The following ASS1 variants were observed in gnomAD, a reference collection of about 807,000 sequenced individuals.
The protein encoded by ASS1 is argininosuccinate synthase.
A neutral mutation model predicts 60.5 loss-of-function variants in ASS1; 58 were observed. The observed-to-expected ratio is 0.96, with a 90% confidence interval of 0.78 to 1.19. The LOEUF (loss-of-function observed/expected upper bound fraction) is 1.19. Among genes scored for constraint, ASS1 ranks in the 50% most tolerant of loss-of-function variants. The pLI, the probability that ASS1 is intolerant of heterozygous loss-of-function variation, is 0.00. For synonymous variants in ASS1, 200 were observed against 206.9 expected, an observed-to-expected ratio of 0.97 and a Z score of 0.29; for missense variants, 454 against 547.3, an observed-to-expected ratio of 0.83 and a Z score of 1.70.
chr9:130,492,161 T>C (rs367743373), intron 12 of ASS1, among the ~76,000 whole-genome samples: 1 of 152,308 alleles, frequency 6.6e-6, no homozygotes, highest in Non-Finnish European at 1.5e-5. Flanking sequence ...CCCGGCGTGG[T>C]TTCCCAGTGT....
At chr9:130,460,223 G>A (rs1845555838) in intron 4 of ASS1, among the ~76,000 whole-genome samples, 1 of 152,168 alleles carries the variant, frequency 6.6e-6, no homozygotes, top group South Asian at 2.1e-4. Context: ...AGATGATGAT[G>A]GAGGAGACGC....
intron 1 of ASS1, chr9:130,451,794 C>T (rs1418087520): frequency 6.6e-6 from 3 of 457,696 alleles, no homozygotes; most frequent in Non-Finnish European, 1.3e-5. Context: ...CTGCCTGGTG[C>T]TTGGCAAGGA....
intron 5 of ASS1, among the ~76,000 whole-genome samples, chr9:130,466,151 G>A (rs537532850): frequency 6.6e-6 from 1 of 152,222 alleles, no homozygotes; most frequent in Non-Finnish European, 1.5e-5. Context: ...GCAGGGGCCT[G>A]GTGAGCTCCA....
rs1169445807 is a variant in ASS1 at position 130,488,449 on chromosome 9, G to T, written c.839-884G>T. On this transcript the variant is annotated intron_variant, in intron 11 of 14. Coordinates refer to ENST00000352480, the MANE Select transcript of ASS1 (RefSeq NM_054012.4). The surrounding 1 kb of genome is among the most constrained non-coding windows in gnomAD (Gnocchi z 5.2). Reference sequence around the variant, plus strand: ...ACTCCTGGGGCAAGAGGGGGCCTGGGCTGTGTGCTGTGGGCGGTCCTGCCT... The same window carrying T: ...ACTCCTGGGGCAAGAGGGGGCCTGGTCTGTGTGCTGTGGGCGGTCCTGCCT... 6.6e-6 allele frequency among the ~76,000 whole-genome samples: 1 copy of T among 152,222 alleles called. No homozygotes were observed. Among genetic ancestry groups the T allele is most frequent in the African/African-American group, 2.4e-5 (1 of 41,454 alleles).
At position 130,459,430 on chromosome 9, in the gene ASS1, G is replaced by T. The variant is rs1204011578; in HGVS notation, c.363+841G>T. Among the ~76,000 whole-genome samples, 1 of 151,422 alleles carries T rather than the reference G, an allele frequency of 6.6e-6. No individual in the cohort carries two copies. Among genetic ancestry groups the T allele is most frequent in the Non-Finnish European group, 1.5e-5 (1 of 67,844 alleles). On this transcript the variant is annotated intron_variant, in intron 4 of 14. Transcript: ENST00000352480. The surrounding 1 kb of genome is among the most constrained non-coding windows in gnomAD (Gnocchi z 4.6). The stretch of plus-strand genomic sequence containing the variant: ...CCTCATCTTAACTTGGTTACTTTTT[G>T]TGTGTGTGTGTGGGGGAGAGGGACA...
In ASS1 at chr9:130,489,436, C is replaced by G. The variant is rs1453765057; in HGVS notation, c.942C>G (p.Gly314=). The change falls in exon 12 of 15, where the codon GGC becomes GGG. Residue 314 remains glycine, a synonymous_variant. Coordinates refer to ENST00000352480, the MANE Select transcript of ASS1 (RefSeq NM_054012.4). This position sits in a 1 kb window ranked among gnomAD's most constrained non-coding sequence, Gnocchi z 4.1. ...REVRKIKQGL[G]LKFAELVYTG... ...TGCGCAAAATCAAACAAGGCCTGGG[C>G]TTGAAATTTGCTGAGCTGGTGTATA... 1.9e-6 allele frequency: 3 copies of G among 1,613,948 alleles called. No homozygotes were observed. The highest frequency in any genetic ancestry group is 2.5e-6 in the Non-Finnish European group (3 of 1,180,020).
At position 130,479,654 on chromosome 9, in the gene ASS1, C is replaced by T. The variant is rs554254846; in HGVS notation, c.689-62C>T. 20 of 1,315,826 alleles carry T rather than the reference C, an allele frequency of 1.5e-5. 1 individual carries two copies. In the Admixed American group the frequency reaches 2.2e-4, roughly 14 times the overall value. The allele number at this position is 1,315,826 out of a possible 1,614,324, so 81.5% of individuals were successfully genotyped here. ...CGGGAGGAGGGAGAGGGTGGGGTGG[C>T]GGGTGCAGACTCCTCCGCTGAGCCG... is the stretch of plus-strand genomic sequence containing the variant. On this transcript the variant is annotated intron_variant, in intron 9 of 14. Transcript: ENST00000352480.
Position 130,489,567 on chromosome 9 carries a change from C to G in ASS1, c.970+103C>G. 2 of 1,570,658 alleles carry G rather than the reference C, an allele frequency of 1.3e-6. No individual in the cohort carries two copies. The highest frequency in any genetic ancestry group is 1.7e-6 in the Non-Finnish European group (2 of 1,147,266). On this transcript the variant is annotated intron_variant, in intron 12 of 14. Transcript: ENST00000352480. The surrounding 1 kb of genome is among the most constrained non-coding windows in gnomAD (Gnocchi z 4.1). ...CCCTCCCCTCCGTATCAGCACCTTC[C>G]TCCCCTGCCGCCCACTGCCATCCTC...
At chr9:130,468,968 G>A (rs976696607) in intron 6 of ASS1, among the ~76,000 whole-genome samples, 1 of 152,232 alleles carries the variant, frequency 6.6e-6, no homozygotes, top group African/African-American at 2.4e-5. Context: ...TTGGTCTTGG[G>A]AGGGTCATTG....
chr9:130,479,682 C>T, intron 9 of ASS1, 34 bp from the exon 10 acceptor site: 2 of 1,552,798 alleles, frequency 1.3e-6, no homozygotes, highest in Non-Finnish European at 1.8e-6. Context: ...CTGAGCCGGG[C>T]CCAGAGGCCC....
intron 11 of ASS1, among the ~76,000 whole-genome samples, chr9:130,482,505 G>T (rs1484705900): frequency 6.6e-6 from 1 of 151,926 alleles, no homozygotes; most frequent in African/African-American, 2.4e-5. Context: ...TGGCATACGT[G>T]ATGAAAGTGT....
intron 11 of ASS1, among the ~76,000 whole-genome samples, chr9:130,482,226 A>G (rs1846189087): frequency 6.6e-6 from 1 of 152,000 alleles, no homozygotes; most frequent in East Asian, 1.9e-4. Context: ...GGTGGCAGGA[A>G]CTGGTACACT....
chr9:130,450,531 C>T (rs1014906529), intron 1 of ASS1, among the ~76,000 whole-genome samples: 1 of 152,230 alleles, frequency 6.6e-6, no homozygotes, highest in African/African-American at 2.4e-5. Context: ...GAACCATCTT[C>T]TCTGCCCCAG....
chr9:130,445,338 T>C, intron 1 of ASS1: 2 of 696,236 alleles, frequency 2.9e-6, no homozygotes, highest in Non-Finnish European at 3.5e-6. Flanking sequence ...GCTTCCTCTG[T>C]GTCGTGAAGC....
rs1276830728 is a variant in ASS1 at position 130,488,979 on chromosome 9, C to T, written c.839-354C>T. Among the ~76,000 whole-genome samples, 1 of 152,180 alleles carries T rather than the reference C, an allele frequency of 6.6e-6. No homozygotes were observed. The highest frequency in any genetic ancestry group is 1.5e-5 in the Non-Finnish European group (1 of 68,034). On this transcript the variant is annotated intron_variant, in intron 11 of 14. Coordinates refer to ENST00000352480, the MANE Select transcript of ASS1 (RefSeq NM_054012.4). This position sits in a 1 kb window ranked among gnomAD's most constrained non-coding sequence, Gnocchi z 5.2. ...AAGAAGGGATATTTGGGGCTCTGGG[C>T]TCTACCGTAGTCGCTTTAATTACAG...
intron 1 of ASS1, chr9:130,451,669 C>T: frequency 8.2e-6 from 3 of 366,704 alleles, no homozygotes; most frequent in Non-Finnish European, 1.6e-5. Flanking sequence ...GAGCCTGCCA[C>T]TGACCTCTCT....
intron 6 of ASS1, among the ~76,000 whole-genome samples, 161 bp downstream of exon 6, chr9:130,466,960 T>A (rs1015368999): frequency 2.6e-5 from 4 of 152,218 alleles, no homozygotes. Flanking sequence ...GTGGCCTCTG[T>A]CCCCTGGGCT....
chr9:130,480,044 C>T (rs1301403778), intron 10 of ASS1: 2 of 690,378 alleles, frequency 2.9e-6, no homozygotes, highest in Non-Finnish European at 5.3e-6. Flanking sequence ...GATCATTAGG[C>T]CGGGGCTCTC....
chr9:130,477,167 G>A lies in ASS1; in HGVS notation c.688+206G>A, dbSNP rs58283294. 0.098 allele frequency among the ~76,000 whole-genome samples: 14,839 copies of A among 152,152 alleles called. 790 individuals are homozygous for A. The highest frequency in any genetic ancestry group is 0.11 in the Middle Eastern group (33 of 294). ...CCATGGATGCCTCTAGGCTTGGGAGGAACATGCCCTCGGCTACCCATCACT... is the reference window on the plus strand; with the variant it reads ...CCATGGATGCCTCTAGGCTTGGGAGAAACATGCCCTCGGCTACCCATCACT... On this transcript the variant is annotated intron_variant, in intron 9 of 14. Transcript: ENST00000352480. This position sits in a 1 kb window ranked among gnomAD's most constrained non-coding sequence, Gnocchi z 4.2.
Sources: gnomAD v4.1 joint callset for allele counts (sites outside exome capture counted in the v4.1 genomes callset) on GRCh38, gnomAD v4.1.1 for gene constraint, Gnocchi (gnomAD v3.1) non-coding constraint, MANE v1.5 for transcripts, NCBI Gene and HGNC (gene_info 2026-07-23, HGNC 2026-07-21) for gene names.